Variants in PPP1R3A observed in about 807,000 individuals in gnomAD.
PPP1R3A encodes the protein protein phosphatase 1 regulatory subunit 3A, also known as RG1.
In PPP1R3A, 29 loss-of-function variants were observed where a neutral mutation model predicts 41.7. That is an observed-to-expected ratio of 0.70 (90% CI 0.52 to 0.95). The LOEUF is 0.95. Ranked by LOEUF, PPP1R3A falls within the 40% of genes least tolerant of loss-of-function variation. The probability of loss-of-function intolerance (pLI) is 0.00; values close to 1 mark genes in which losing one functional copy is unlikely to be tolerated. For missense variants in PPP1R3A, 1,352 were observed against 1,292.4 expected, an observed-to-expected ratio of 1.05 and a Z score of -0.71; for synonymous variants, 485 against 453.4, an observed-to-expected ratio of 1.07 and a Z score of -0.89.
At chr7:113,914,057 A>G (rs1797298474) in intron 1 of PPP1R3A, among the ~76,000 whole-genome samples, 1 of 152,134 alleles carries the variant, frequency 6.6e-6, no homozygotes, top group Non-Finnish European at 1.5e-5. Flanking sequence ...AAGGAAACCT[A>G]TGATGTATGG....
chr7:113,897,689 G>A (rs540963664), intron 1 of PPP1R3A, among the ~76,000 whole-genome samples: 1 of 151,818 alleles, frequency 6.6e-6, no homozygotes, highest in Non-Finnish European at 1.5e-5. Context: ...GAGCTTATAA[G>A]TGCCAAGACA....
Position 113,877,645 on chromosome 7 carries a change from A to G in PPP1R3A, c.*78T>C. 9.0e-6 allele frequency: 13 copies of G among 1,440,876 alleles called. No homozygotes were observed. The highest frequency in any genetic ancestry group is 1.5e-5 in the South Asian group (1 of 67,912). The allele number at this position is 1,440,876 out of a possible 1,614,324, so 89.3% of individuals were successfully genotyped here. A position where few individuals can be genotyped will look rare whatever the true frequency, so the allele number is the denominator to read the frequency against. On this transcript the variant is annotated 3_prime_UTR_variant, in exon 4 of 4. Transcript: ENST00000284601. ...GAAAAACTGCACTGGATCTTTGAAC[A>G]ATGAATAGTCCCATTCACCAATCCA...
At chr7:113,916,726 G>A (rs1451018802) in intron 1 of PPP1R3A, among the ~76,000 whole-genome samples, 1 of 151,984 alleles carries the variant, frequency 6.6e-6, no homozygotes, top group Non-Finnish European at 1.5e-5. Flanking sequence ...TATTTAATAT[G>A]TATATATTAT....
At chr7:113,885,288 C>T (rs933951857) in intron 1 of PPP1R3A, among the ~76,000 whole-genome samples, 1 of 152,122 alleles carries the variant, frequency 6.6e-6, no homozygotes, top group African/African-American at 2.4e-5. Context: ...CTCAGGCAAT[C>T]CACCCACCTC....
At position 113,918,700 on chromosome 7, in the gene PPP1R3A, G is replaced by T. The variant is rs115949425; in HGVS notation, c.297C>A (p.Phe99Leu). Residue 99 changes from phenylalanine to leucine, a missense_variant, in exon 1 of 4, where the codon TTC becomes TTA. Phe to Leu is a conservative substitution (Grantham distance 22, BLOSUM62 0). Transcript: ENST00000284601. ...GGGCTAAAACATATTCTTCTGTGTG[G>T]AAAATGTCCGTCCCTAAGTCAAAAG... is the stretch of plus-strand genomic sequence containing the variant. The part of the protein sequence containing the change: ...STTFDLGTDI[F>L]HTEEYVLAPL... 320 of 1,613,724 alleles carry T rather than the reference G, an allele frequency of 2.0e-4. 2 individuals carry two copies. Among genetic ancestry groups the T allele is most frequent in the Admixed American group, 5.5e-4 (33 of 59,976 alleles).
chr7:113,915,594 T>C (rs1797327266), intron 1 of PPP1R3A, among the ~76,000 whole-genome samples: 1 of 148,734 alleles, frequency 6.7e-6, no homozygotes, highest in South Asian at 2.1e-4. Context: ...TACATACATA[T>C]ATACATATAC....
Position 113,882,125 on chromosome 7 carries a change from T to G in PPP1R3A, c.880A>C (p.Lys294Gln). ...IPTIICSHEDKEDLEASNRNV... is the reference protein window; with the variant it reads ...IPTIICSHEDQEDLEASNRNV... ...CGATTACTGGCTTCCAAATCTTCCT[T>G]GTCCTCATGAGAACAAATGATTGTT... The change falls in exon 3 of 4, where the codon AAG (lysine) becomes CAG (glutamine). Residue 294 changes from lysine (K) to glutamine (Q), a missense_variant. Coordinates refer to ENST00000284601, the MANE Select transcript of PPP1R3A (RefSeq NM_002711.4). 3.1e-6 allele frequency: 5 copies of G among 1,611,902 alleles called. No homozygotes were observed. Among genetic ancestry groups the G allele is most frequent in the Non-Finnish European group, 4.2e-6 (5 of 1,178,406 alleles).
At position 113,877,770 on chromosome 7, in the gene PPP1R3A, G is replaced by T. The variant is rs757512723; in HGVS notation, c.3322C>A (p.Leu1108Ile). The part of the protein sequence containing the change: ...LTFYVLSLSW[L>I]SWEEGRQKES... The stretch of plus-strand genomic sequence containing the variant: ...TTTTGTCTACCCTCTTCCCAGGATA[G>T]CCAGGACAATGACAAAACGTAGAAT... The change falls in exon 4 of 4, where the codon CTA becomes ATA. Residue 1108 changes from leucine to isoleucine, a missense_variant. Physicochemically the swap from Leu to Ile is conservative, Grantham distance 5. Transcript: ENST00000284601. 11 of 1,597,292 alleles carry T rather than the reference G, an allele frequency of 6.9e-6. No individual in the cohort carries two copies. Among genetic ancestry groups the T allele is most frequent in the African/African-American group, 1.3e-5 (1 of 74,344 alleles).
chr7:113,878,208 C>G lies in PPP1R3A; in HGVS notation c.2884G>C (p.Gly962Arg). The G allele has an allele frequency of 6.2e-7, 1 of 1,613,196 alleles. No individual in the cohort carries two copies. The part of the protein sequence containing the change: ...NICNSTREIQ[G>R]IEKHPYPESK... ...TCAGGATAAGGGTGCTTCTCAATACCCTGGATTTCTCTTGTTGAATTACAA... is the reference window on the plus strand; with the variant it reads ...TCAGGATAAGGGTGCTTCTCAATACGCTGGATTTCTCTTGTTGAATTACAA... Residue 962 changes from glycine (G) to arginine (R), a missense_variant, in exon 4 of 4, where the codon GGT (glycine) becomes CGT (arginine). Physicochemically the swap from Gly to Arg is moderately radical, Grantham distance 125 (BLOSUM62 -2). Coordinates refer to ENST00000284601, the MANE Select transcript of PPP1R3A (RefSeq NM_002711.4).
chr7:113,891,084 CAAAAAA>C (rs11342726), intron 1 of PPP1R3A, among the ~76,000 whole-genome samples: 1 of 79,788 alleles, frequency 1.3e-5, no homozygotes, highest in African/African-American at 5.2e-5. Context: ...GGAAAAAAAG[CAAAAAA>C]AAAAAAAAAA....
intron 1 of PPP1R3A, among the ~76,000 whole-genome samples, 156 bp from the exon 2 acceptor site, chr7:113,882,476 G>C (rs1370941955): frequency 6.6e-6 from 1 of 151,814 alleles, no homozygotes; most frequent in African/African-American, 2.4e-5. Flanking sequence ...AAATAAAAAT[G>C]ATCTTTTTGG....
In PPP1R3A at chr7:113,918,305, C is replaced by T. The variant is rs7801819; in HGVS notation, c.692G>A (p.Cys231Tyr). 2.5e-6 allele frequency: 4 copies of T among 1,612,522 alleles called. No homozygotes were observed. In the African/African-American group the frequency reaches 5.3e-5, roughly 22 times the overall value. The change falls in exon 1 of 4, where the codon TGT becomes TAT. Residue 231 changes from cysteine to tyrosine, a missense_variant. Cys to Tyr is a radical substitution (Grantham distance 194). Coordinates refer to ENST00000284601, the MANE Select transcript of PPP1R3A (RefSeq NM_002711.4). ...NNNGTNYTFICQKKEQEPEPV... is the reference protein window; with the variant it reads ...NNNGTNYTFIYQKKEQEPEPV... ...CTCCGGCTCTTGTTCTTTCTTTTGA[C>T]AAATGAATGTATAATTTGTGCCATT... is the stretch of plus-strand genomic sequence containing the variant.
chr7:113,891,531 C>T (rs1796888726), intron 1 of PPP1R3A, among the ~76,000 whole-genome samples: 1 of 151,962 alleles, frequency 6.6e-6, no homozygotes, highest in Admixed American at 6.6e-5. Context: ...GAAGAGCACC[C>T]TTCAAAGAAA....
At chr7:113,909,848 T>C (rs548467118) in intron 1 of PPP1R3A, among the ~76,000 whole-genome samples, 5 of 152,062 alleles carry the variant, frequency 3.3e-5, no homozygotes, top group Non-Finnish European at 7.4e-5. Context: ...ATTAAAGTCA[T>C]GGAACTTTTC....
Position 113,883,258 on chromosome 7 carries a change from C to T in PPP1R3A, c.783-938G>A, listed in dbSNP as rs543147595. ...CTCTCAACTGAATTTCCTTATGGTG[C>T]CTATTCTCAAGGACTTTTCTGCAAC... On this transcript the variant is annotated intron_variant, in intron 1 of 3. Coordinates refer to ENST00000284601, the MANE Select transcript of PPP1R3A (RefSeq NM_002711.4). Among the ~76,000 whole-genome samples the T allele has an allele frequency of 9.2e-5, 14 of 152,012 alleles. No homozygotes were observed. The East Asian group carries it at 2.5e-3, about 27-fold the overall frequency.
intron 1 of PPP1R3A, among the ~76,000 whole-genome samples, chr7:113,902,461 CA>C (rs1303957825): frequency 6.6e-6 from 1 of 151,868 alleles, no homozygotes; most frequent in African/African-American, 2.4e-5. Context: ...TAAAGATTTA[CA>C]ATGCACTTTA....
intron 1 of PPP1R3A, among the ~76,000 whole-genome samples, chr7:113,882,726 T>G (rs1796715155): frequency 1.3e-5 from 2 of 151,972 alleles, no homozygotes; most frequent in Admixed American, 6.6e-5. Context: ...GACAGTCTAT[T>G]TATGGTCATG....
intron 1 of PPP1R3A, among the ~76,000 whole-genome samples, chr7:113,905,478 A>T (rs1468153957): frequency 2.0e-5 from 3 of 151,856 alleles, no homozygotes; most frequent in Admixed American, 6.6e-5. Flanking sequence ...AGTTTAAAAC[A>T]TTTATATACA....
rs1439661734 is a variant in PPP1R3A at position 113,878,890 on chromosome 7, C to T, written c.2202G>A (p.Lys734=). Residue 734 remains lysine, a synonymous_variant, in exon 4 of 4, where the codon AAG becomes AAA. Coordinates refer to ENST00000284601, the MANE Select transcript of PPP1R3A (RefSeq NM_002711.4). Reference sequence around the variant, plus strand: ...TTTCTGGAGTACTTTCTGATGTTGTCTTAATTATATAGGCTGTACCAGCTT... The same window carrying T: ...TTTCTGGAGTACTTTCTGATGTTGTTTTAATTATATAGGCTGTACCAGCTT... ...KAEAGTAYII[K]TTSESTPESM... 2 of 1,612,928 alleles carry T rather than the reference C, an allele frequency of 1.2e-6. No individual in the cohort carries two copies. The highest frequency in any genetic ancestry group is 1.1e-5 in the South Asian group (1 of 91,070).
Sources: allele counts gnomAD v4.1 joint callset (sites outside exome capture counted in the v4.1 genomes callset), GRCh38; gene constraint gnomAD v4.1.1; transcripts MANE v1.5; gene names NCBI Gene and HGNC (gene_info 2026-07-23, HGNC 2026-07-21).